The following CLASP1 variants were observed in gnomAD, a reference collection of about 807,000 sequenced individuals.
CLASP1 encodes cytoplasmic linker associated protein 1, also known as CLIP-associating protein 1.
Under a neutral mutation model 192.3 loss-of-function variants are expected in CLASP1, and 38 were observed. That is an observed-to-expected ratio of 0.20 (90% CI 0.15 to 0.26). The LOEUF is 0.26. CLASP1 is among the 10% of genes least tolerant of loss of function. CLASP1 has a pLI of 1.00. For missense variants in CLASP1, 1,433 were observed against 1,932.5 expected (o/e 0.74, Z 4.85); for synonymous variants, 691 against 712.8 (o/e 0.97, Z 0.49).
chr2:121,533,206 A>G (rs2094944345), intron 2 of CLASP1, among the ~76,000 whole-genome samples: 1 of 152,196 alleles, frequency 6.6e-6, no homozygotes, highest in Non-Finnish European at 1.5e-5. Flanking sequence ...CTGAGTGGGT[A>G]GATGCACCTG....
At chr2:121,382,820 C>A (rs1199480878) in intron 32 of CLASP1, among the ~76,000 whole-genome samples, 1 of 152,218 alleles carries the variant, frequency 6.6e-6, no homozygotes, top group Admixed American at 6.5e-5. Flanking sequence ...GACCAGAGCT[C>A]TCCAGCATGG....
intron 9 of CLASP1, among the ~76,000 whole-genome samples, chr2:121,469,541 A>G (rs1000656096): frequency 1.1e-4 from 17 of 152,200 alleles, no homozygotes; most frequent in African/African-American, 4.1e-4. Context: ...TCTCTGAGCT[A>G]TGCTTTCCTC....
intron 9 of CLASP1, among the ~76,000 whole-genome samples, chr2:121,467,499 C>T (rs2089867325): frequency 2.0e-5 from 3 of 152,160 alleles, no homozygotes; most frequent in Non-Finnish European, 4.4e-5. Context: ...TAATAATAGC[C>T]ATTCTGACTG....
At chr2:121,406,152 G>A (rs1479240396) in intron 25 of CLASP1, among the ~76,000 whole-genome samples, 1 of 152,068 alleles carries the variant, frequency 6.6e-6, no homozygotes, top group Non-Finnish European at 1.5e-5. Context: ...TTTAATACGT[G>A]GCATTAATTA....
intron 8 of CLASP1, among the ~76,000 whole-genome samples, chr2:121,494,796 G>A (rs112719492): frequency 6.6e-6 from 1 of 152,004 alleles, no homozygotes; most frequent in African/African-American, 2.4e-5. Context: ...CGAGGTGAGC[G>A]AATCACCTGA....
rs148383312 is a variant in CLASP1 at position 121,467,284 on chromosome 2, C to T, written c.865+2524G>A. 2.4e-3 allele frequency among the ~76,000 whole-genome samples: 365 copies of T among 152,268 alleles called. 6 individuals are homozygous for T. In the East Asian group the frequency reaches 0.024, roughly 10 times the overall value. ...GGGATGAACATATGCATACATGTAT[C>T]TTTATAACAGAATGATTTATATTCC... On this transcript the variant is annotated intron_variant, in intron 9 of 39. Transcript: ENST00000263710.
At chr2:121,530,985 ATTTTGGTGCAATT>A (rs1415265849) in intron 2 of CLASP1, 1 of 700,234 alleles carries the variant, frequency 1.4e-6, no homozygotes, top group Non-Finnish European at 2.6e-6. Flanking sequence ...CTTTTGCTTT[ATTTTGGTGCAATT>A]TTTGGAAAAA....
At chr2:121,638,453 T>A (rs1029064791) in intron 1 of CLASP1, among the ~76,000 whole-genome samples, 2 of 152,036 alleles carry the variant, frequency 1.3e-5, no homozygotes, top group African/African-American at 4.8e-5. Context: ...ATCACCCAAA[T>A]GACGCAACAA....
chr2:121,570,290 G>A (rs1246523057), intron 2 of CLASP1, among the ~76,000 whole-genome samples: 1 of 152,232 alleles, frequency 6.6e-6, no homozygotes, highest in African/African-American at 2.4e-5. Flanking sequence ...ACTAGGGTGG[G>A]AGGAAGAAGT....
At chr2:121,620,043 G>A (rs759208918) in intron 1 of CLASP1, among the ~76,000 whole-genome samples, 20 of 151,938 alleles carry the variant, frequency 1.3e-4, no homozygotes, top group Admixed American at 2.6e-4. Flanking sequence ...CCAACATAGC[G>A]AAACCCCATC....
intron 39 of CLASP1, among the ~76,000 whole-genome samples, chr2:121,345,408 ACT>A (rs2063329218): frequency 6.6e-6 from 1 of 152,094 alleles, no homozygotes; most frequent in African/African-American, 2.4e-5. Flanking sequence ...TGATGGGACA[ACT>A]CTCTTACTCA....
chr2:121,393,463 A>G (rs2074724842), intron 30 of CLASP1, among the ~76,000 whole-genome samples: 1 of 152,228 alleles, frequency 6.6e-6, no homozygotes, highest in Admixed American at 6.5e-5. Context: ...GAATGGTACT[A>G]GTTTTCATAC....
chr2:121,533,628 T>C (rs1450601446), intron 2 of CLASP1, among the ~76,000 whole-genome samples: 3 of 152,348 alleles, frequency 2.0e-5, no homozygotes, highest in Admixed American at 2.0e-4. Context: ...TGTTACCTGA[T>C]TCTAAAGTCA....
At chr2:121,435,294 G>A (rs938874654) in intron 19 of CLASP1, among the ~76,000 whole-genome samples, 2 of 151,406 alleles carry the variant, frequency 1.3e-5, no homozygotes, top group Admixed American at 1.3e-4. Flanking sequence ...CTTTTTTTGA[G>A]GCAGAGTTTC....
In CLASP1 at chr2:121,430,976, TA is replaced by T. The variant is rs34189269; in HGVS notation, c.1913-800del. Among the ~76,000 whole-genome samples, 641 of 140,114 alleles carry T rather than the reference TA, an allele frequency of 4.6e-3. 4 individuals carry two copies. The highest frequency in any genetic ancestry group is 0.011 in the Middle Eastern group (3 of 278). 91.9% of individuals were successfully genotyped at this position (140,114 alleles called of 152,430 possible). ...ACTAGTATGATTAGCGATTAAACTT[TA>T]AAAAAAAAAAAAAATAGGCCTTTTT... On this transcript the variant is annotated intron_variant, in intron 19 of 39. Transcript: ENST00000263710.
At chr2:121,529,226 T>A (rs6541780) in intron 3 of CLASP1, among the ~76,000 whole-genome samples, 45,048 of 152,098 alleles carry the variant, frequency 0.3, 10,572 homozygotes, top group African/African-American at 0.65. Flanking sequence ...ATCACGCCCA[T>A]ACACACATGA....
At chr2:121,622,697 T>A (rs2067585269) in intron 1 of CLASP1, among the ~76,000 whole-genome samples, 1 of 152,236 alleles carries the variant, frequency 6.6e-6, no homozygotes, top group Non-Finnish European at 1.5e-5. Flanking sequence ...TCATTGTAAA[T>A]GTGTAACAAT....
exon 2 of CLASP1, chr2:121,606,008 T>A: frequency 1.2e-6 from 1 of 867,614 alleles, no homozygotes. Context: ...ACTAAGAGCC[T>A]GTGTTTCAAA....
At chr2:121,524,035 C>T (rs2094517102) in intron 6 of CLASP1, among the ~76,000 whole-genome samples, 1 of 152,188 alleles carries the variant, frequency 6.6e-6, no homozygotes, top group Non-Finnish European at 1.5e-5. Flanking sequence ...TAGTGTCGGT[C>T]TGGGCTGTGG....
Sources: gnomAD v4.1 joint callset for allele counts (sites outside exome capture counted in the v4.1 genomes callset) on GRCh38, gnomAD v4.1.1 for gene constraint, MANE v1.5 for transcripts, NCBI Gene and HGNC (gene_info 2026-07-23, HGNC 2026-07-21) for gene names.